SPHKAP: variants seen among roughly 807,000 people sequenced by gnomAD.
The protein encoded by SPHKAP is A-kinase anchor protein SPHKAP.
Under a neutral mutation model 137.5 loss-of-function variants are expected in SPHKAP, and 67 were observed. That is an observed-to-expected ratio of 0.49 (90% CI 0.40 to 0.60). The LOEUF (loss-of-function observed/expected upper bound fraction) is 0.60. SPHKAP is among the 20% of genes least tolerant of loss of function. The probability of loss-of-function intolerance (pLI) is 0.00; values close to 1 mark genes in which losing one functional copy is unlikely to be tolerated. For missense variants in SPHKAP, 2,097 were observed against 2,069.3 expected, an observed-to-expected ratio of 1.01 and a Z score of -0.26; for synonymous variants, 813 against 785.3, an observed-to-expected ratio of 1.04 and a Z score of -0.59.
chr2:228,052,571 C>A (rs2106274789), intron 3 of SPHKAP, among the ~76,000 whole-genome samples: 1 of 152,108 alleles, frequency 6.6e-6, no homozygotes, highest in African/African-American at 2.4e-5. Flanking sequence ...TTTTTTGCAA[C>A]CTGGAAGTCT....
intron 2 of SPHKAP, among the ~76,000 whole-genome samples, chr2:228,113,773 G>C (rs1029096473): frequency 1.3e-5 from 2 of 151,852 alleles, no homozygotes; most frequent in East Asian, 1.9e-4. Flanking sequence ...ATGATCTGAA[G>C]GCCACTTCTA....
chr2:228,178,743 C>T (rs1228840184), intron 1 of SPHKAP, among the ~76,000 whole-genome samples: 1 of 151,958 alleles, frequency 6.6e-6, no homozygotes, highest in Non-Finnish European at 1.5e-5. Context: ...CATTTAATCT[C>T]TGCACAGCTT....
intron 3 of SPHKAP, among the ~76,000 whole-genome samples, chr2:228,073,298 G>A (rs1403856906): frequency 6.6e-6 from 1 of 152,154 alleles, no homozygotes. Flanking sequence ...AATAAGTGTT[G>A]GTTCATACAA....
At chr2:228,046,291 C>CTTTTTTT (rs58510792) in intron 3 of SPHKAP, among the ~76,000 whole-genome samples, 81 of 82,506 alleles carry the variant, frequency 9.8e-4, no homozygotes, top group East Asian at 1.8e-3. Context: ...TGTTGTTATT[C>CTTTTTTT]TTTTTTTTTT....
At chr2:228,109,720 C>T (rs1393378349) in intron 2 of SPHKAP, among the ~76,000 whole-genome samples, 1 of 151,882 alleles carries the variant, frequency 6.6e-6, no homozygotes. Flanking sequence ...AATCCCAGCA[C>T]TTTGGGAGGC....
At chr2:227,986,165 A>G (rs1231644027) in intron 11 of SPHKAP, among the ~76,000 whole-genome samples, 1 of 152,250 alleles carries the variant, frequency 6.6e-6, no homozygotes, top group Non-Finnish European at 1.5e-5. Flanking sequence ...GCGCCTCAGT[A>G]TCAAATTCTT....
chr2:228,080,883 A>G (rs1000407194), intron 3 of SPHKAP, among the ~76,000 whole-genome samples: 3 of 152,220 alleles, frequency 2.0e-5, no homozygotes, highest in Non-Finnish European at 4.4e-5. Context: ...GAGAAATTAG[A>G]ACCCTTGTAC....
At chr2:228,154,510 C>CTATATATATATATATATATATA (rs1255951798) in intron 1 of SPHKAP, among the ~76,000 whole-genome samples, 4 of 37,522 alleles carry the variant, frequency 1.1e-4, no homozygotes, top group Non-Finnish European at 1.4e-4. Flanking sequence ...CTCTCTCTCT[C>CTATATATATATATATATATATA]TCTATATATA....
chr2:228,131,620 A>G (rs1424514513), intron 2 of SPHKAP: 1 of 272,146 alleles, frequency 3.7e-6, no homozygotes, highest in Non-Finnish European at 5.6e-6. Flanking sequence ...GTTTTCTTAG[A>G]TACAGATTTA....
chr2:228,020,668 TAACA>T (rs986281157), intron 6 of SPHKAP, among the ~76,000 whole-genome samples: 1 of 152,174 alleles, frequency 6.6e-6, no homozygotes, highest in Non-Finnish European at 1.5e-5. Context: ...TATACATATG[TAACA>T]AACCTGCATG....
rs149801459 is a variant in SPHKAP, at chr2:228,123,448, A to G, written c.138+8532T>C. Among the ~76,000 whole-genome samples the G allele has an allele frequency of 8.5e-5, 13 of 152,294 alleles. No individual in the cohort carries two copies. In the East Asian group the frequency reaches 2.3e-3, roughly 27 times the overall value. On this transcript the variant is annotated intron_variant, in intron 2 of 11. Coordinates refer to ENST00000392056, the MANE Select transcript of SPHKAP (RefSeq NM_001142644.2). ...ATTCTTGTGTCTTCCTTCTATAGAG[A>G]TGTGAATAAGCTCAATAATGCTGAT...
At chr2:228,027,985 A>G in intron 3 of SPHKAP, 1 of 981,686 alleles carries the variant, frequency 1.0e-6, no homozygotes, top group Non-Finnish European at 1.2e-6. Flanking sequence ...AAGAAAAAAG[A>G]AAAAAAGAAA....
chr2:228,097,548 G>A lies in SPHKAP; in HGVS notation c.246+11284C>T, dbSNP rs189267725. On this transcript the variant is annotated intron_variant, in intron 3 of 11. Transcript: ENST00000392056. ...TTAGGCTCAGTGGGCACATGTGAAG[G>A]TTTGTTACATGGGTAAATTGTGTGT... 3.6e-3 allele frequency among the ~76,000 whole-genome samples: 553 copies of A among 152,152 alleles called. 5 individuals are homozygous for A. Among genetic ancestry groups the A allele is most frequent in the African/African-American group, 0.013 (532 of 41,500 alleles).
chr2:227,985,154 T>A (rs1168893858), intron 11 of SPHKAP, among the ~76,000 whole-genome samples: 3 of 152,156 alleles, frequency 2.0e-5, no homozygotes, highest in African/African-American at 7.2e-5. Context: ...TAGGCCACTC[T>A]GTGTATAGTT....
chr2:228,097,584 T>C (rs1416327949), intron 3 of SPHKAP, among the ~76,000 whole-genome samples: 1 of 152,204 alleles, frequency 6.6e-6, no homozygotes, highest in Non-Finnish European at 1.5e-5. Context: ...CATTAAGATT[T>C]GGTGTGAGAA....
At chr2:228,160,582 C>A (rs1432644308) in intron 1 of SPHKAP, among the ~76,000 whole-genome samples, 2 of 152,116 alleles carry the variant, frequency 1.3e-5, no homozygotes, top group Non-Finnish European at 2.9e-5. Context: ...GGGGGGTAAT[C>A]GCCCCTATGA....
chr2:228,011,610 C>T (rs762991079), intron 7 of SPHKAP, among the ~76,000 whole-genome samples: 30 of 152,188 alleles, frequency 2.0e-4, no homozygotes, highest in Admixed American at 4.6e-4. Context: ...CATTCTGTTT[C>T]CATCTCTCCA....
At chr2:228,074,620 A>G (rs140458485) in intron 3 of SPHKAP, among the ~76,000 whole-genome samples, 260 of 152,258 alleles carry the variant, frequency 1.7e-3, no homozygotes, top group African/African-American at 5.7e-3. Context: ...GATTATTACA[A>G]TTCAAGGTGG....
At chr2:227,985,991 G>A (rs1240061614) in intron 11 of SPHKAP, among the ~76,000 whole-genome samples, 1 of 152,144 alleles carries the variant, frequency 6.6e-6, no homozygotes, top group African/African-American at 2.4e-5. Flanking sequence ...GGAACCCCAG[G>A]CACCTTTACA....
Sources: gnomAD v4.1 joint callset for allele counts (sites outside exome capture counted in the v4.1 genomes callset) on GRCh38, gnomAD v4.1.1 for gene constraint, MANE v1.5 for transcripts, NCBI Gene and HGNC (gene_info 2026-07-23, HGNC 2026-07-21) for gene names.